SYT14: variants seen among roughly 807,000 people sequenced by gnomAD.
SYT14 encodes the protein synaptotagmin 14.
SYT14 carries 32 observed loss-of-function variants against 74.2 expected under a neutral mutation model. That is an observed-to-expected ratio of 0.43 (90% confidence interval 0.33 to 0.58). SYT14 has a LOEUF of 0.58. Among genes scored for constraint, SYT14 ranks in the 20% least tolerant of loss-of-function variants. The pLI, the probability that SYT14 is intolerant of heterozygous loss-of-function variation, is 0.05. For synonymous variants in SYT14, 298 were observed against 337.7 expected (o/e 0.88, Z 1.29); for missense variants, 791 against 981.8 (o/e 0.81, Z 2.60).
chr1:210,012,392 T>C lies in SYT14; in HGVS notation c.-485-1241T>C, dbSNP rs192232774. Among the ~76,000 whole-genome samples the C allele has an allele frequency of 1.6e-3, 246 of 152,264 alleles. 3 individuals carry two copies. In the South Asian group the frequency reaches 0.017, roughly 10 times the overall value. ...TGGTGTATGGTTGGTGCTCCAAATA[T>C]GTAAGTTGGTTGAGTGAATGAGTAG... On this transcript the variant is annotated intron_variant, in intron 2 of 9. Coordinates refer to ENST00000637265, the Ensembl canonical transcript of SYT14.
At chr1:209,990,549 G>GTATATATACGTATATA (rs2079652051) in intron 2 of SYT14, among the ~76,000 whole-genome samples, 1 of 56,892 alleles carries the variant, frequency 1.8e-5, no homozygotes, top group Non-Finnish European at 4.7e-5. Context: ...GTATATATAT[G>GTATATATACGTATATA]TATATATATA....
chr1:209,951,293 C>G lies in SYT14; in HGVS notation c.-533-1416C>G, dbSNP rs539106491. 1.8e-4 allele frequency among the ~76,000 whole-genome samples: 27 copies of G among 152,230 alleles called. No individual in the cohort carries two copies. In the East Asian group the frequency reaches 3.1e-3, roughly 17 times the overall value. On this transcript the variant is annotated intron_variant, in intron 1 of 9. Coordinates refer to ENST00000637265, the Ensembl canonical transcript of SYT14. ...TTCCTATCCTGCCCCTCTCCATTCC[C>G]TTCTTCTCTCCCACCTCTGGTAACC...
chr1:210,040,396 A>G (rs369528533), intron 5 of SYT14, among the ~76,000 whole-genome samples: 2 of 152,120 alleles, frequency 1.3e-5, no homozygotes, highest in South Asian at 2.1e-4. Flanking sequence ...GAGGTCTAGC[A>G]TTAGGAGAAA....
rs561069342 is a variant in SYT14 at position 210,052,665 on chromosome 1, C to CAAAAAAAAAAAAAAAAAAAAAAA, written c.1312+31430_1312+31431insAAAAAAAAAAAAAAAAAAAAAAA. On this transcript the variant is annotated intron_variant, in intron 5 of 9. Coordinates refer to ENST00000637265, the Ensembl canonical transcript of SYT14. ...CAGCAAGAGCGAAACTACATCTCAC[C>CAAAAAAAAAAAAAAAAAAAAAAA]AAAAAAAAAAAAAAAAAAAGCTCTC... 5.9e-4 allele frequency among the ~76,000 whole-genome samples: 25 copies of CAAAAAAAAAAAAAAAAAAAAAAA among 42,262 alleles called. 5 individuals carry two copies. The highest frequency in any genetic ancestry group is 7.2e-4 in the Non-Finnish European group (17 of 23,618). 27.7% of individuals were successfully genotyped at this position (42,262 alleles called of 152,430 possible).
intron 7 of SYT14, among the ~76,000 whole-genome samples, chr1:210,132,341 G>T (rs1022473533): frequency 6.6e-6 from 1 of 151,878 alleles, no homozygotes; most frequent in Non-Finnish European, 1.5e-5. Flanking sequence ...GGTGTGCCAC[G>T]TGCCACTCCT....
At chr1:210,048,300 A>G (rs2080924321) in intron 5 of SYT14, among the ~76,000 whole-genome samples, 1 of 152,150 alleles carries the variant, frequency 6.6e-6, no homozygotes, top group African/African-American at 2.4e-5. Flanking sequence ...GTGTCCCTGT[A>G]TTAGTCCATT....
chr1:209,985,125 C>T (rs1470447239), intron 2 of SYT14, among the ~76,000 whole-genome samples: 2 of 152,098 alleles, frequency 1.3e-5, no homozygotes, highest in Non-Finnish European at 1.5e-5. Context: ...TCCAATAGTC[C>T]CCCAAAGTTT....
At chr1:210,135,587 A>C (rs757730087) in intron 7 of SYT14, among the ~76,000 whole-genome samples, 1 of 152,072 alleles carries the variant, frequency 6.6e-6, no homozygotes, top group Non-Finnish European at 1.5e-5. Context: ...GTTTTTATCA[A>C]TTGACTTTTT....
intron 7 of SYT14, among the ~76,000 whole-genome samples, chr1:210,110,720 C>A (rs867791637): frequency 2.6e-5 from 4 of 152,226 alleles, no homozygotes; most frequent in African/African-American, 9.6e-5. Flanking sequence ...TAATTTAAAT[C>A]ATATCTTTAT....
intron 5 of SYT14, among the ~76,000 whole-genome samples, chr1:210,070,150 C>T (rs1478586199): frequency 2.0e-5 from 3 of 152,070 alleles, no homozygotes; most frequent in Admixed American, 6.6e-5. Context: ...CAACTTCTCT[C>T]GTTCCGCTCT....
chr1:210,095,493 ATC>A (rs1197336800), intron 6 of SYT14, among the ~76,000 whole-genome samples: 34 of 152,268 alleles, frequency 2.2e-4, no homozygotes, highest in African/African-American at 6.7e-4. Context: ...GGCTCAAGCA[ATC>A]TTCCTGCTTC....
chr1:209,998,527 G>C (rs2079837581), intron 2 of SYT14, among the ~76,000 whole-genome samples: 1 of 152,032 alleles, frequency 6.6e-6, no homozygotes, highest in Admixed American at 6.6e-5. Context: ...AAAGCTGGAA[G>C]CAGCATACTA....
intron 5 of SYT14, among the ~76,000 whole-genome samples, chr1:210,081,714 G>A (rs576664984): frequency 3.9e-5 from 6 of 152,284 alleles, no homozygotes; most frequent in African/African-American, 1.4e-4. Context: ...CACAGTTGGA[G>A]AGATAAAACT....
intron 5 of SYT14, among the ~76,000 whole-genome samples, chr1:210,091,567 A>G (rs1279608226): frequency 6.6e-6 from 1 of 152,082 alleles, no homozygotes; most frequent in Non-Finnish European, 1.5e-5. Flanking sequence ...GCTCATGCCT[A>G]TAGTTCCAGC....
chr1:210,048,331 A>T (rs1572211594), intron 5 of SYT14, among the ~76,000 whole-genome samples: 2 of 152,198 alleles, frequency 1.3e-5, no homozygotes, highest in East Asian at 3.8e-4. Flanking sequence ...TGATAAAGAC[A>T]TACCCAAGAC....
intron 8 of SYT14, among the ~76,000 whole-genome samples, chr1:210,157,672 G>A (rs1331757389): frequency 6.6e-6 from 1 of 151,374 alleles, no homozygotes; most frequent in Non-Finnish European, 1.5e-5. Context: ...AACCCAGGTG[G>A]CGGAGGTTGC....
intron 5 of SYT14, among the ~76,000 whole-genome samples, chr1:210,063,021 GTTT>G (rs11444158): frequency 2.1e-5 from 3 of 141,054 alleles, no homozygotes; most frequent in African/African-American, 7.7e-5. Flanking sequence ...ATTTTTTCTA[GTTT>G]TTTTTTTTTT....
chr1:210,168,717 T>G (rs1224034440), exon 10 of SYT14: 2 of 152,210 alleles, frequency 1.3e-5, no homozygotes, highest in Non-Finnish European at 2.9e-5. Flanking sequence ...TTGAACCTCG[T>G]AACGTCACTT....
intron 5 of SYT14, among the ~76,000 whole-genome samples, chr1:210,057,266 G>C (rs1429222995): frequency 6.6e-6 from 1 of 152,178 alleles, no homozygotes; most frequent in Non-Finnish European, 1.5e-5. Flanking sequence ...TAGTTGGCCA[G>C]TTCTTTGCAG....
Sources: gnomAD v4.1 joint callset for allele counts (sites outside exome capture counted in the v4.1 genomes callset) on GRCh38, gnomAD v4.1.1 for gene constraint, MANE v1.5 for transcripts, NCBI Gene and HGNC (gene_info 2026-07-23, HGNC 2026-07-21) for gene names.